The following PDGFC variants were observed in gnomAD, a reference collection of about 807,000 sequenced individuals.
PDGFC encodes the protein platelet derived growth factor C.
A neutral mutation model predicts 35.5 loss-of-function variants in PDGFC; 12 were observed. That is an observed-to-expected ratio of 0.34 (90% CI 0.22 to 0.55). The LOEUF (loss-of-function observed/expected upper bound fraction) is 0.55. Ranked by LOEUF, PDGFC falls within the 20% of genes least tolerant of loss-of-function variation. The probability of loss-of-function intolerance (pLI) is 0.91; values close to 1 mark genes in which losing one functional copy is unlikely to be tolerated. For missense variants in PDGFC, 322 were observed against 412.4 expected (o/e 0.78, Z 1.90); for synonymous variants, 159 against 148.8 (o/e 1.07, Z -0.50).
intron 3 of PDGFC, among the ~76,000 whole-genome samples, chr4:156,781,464 A>C (rs1486889412): frequency 6.6e-6 from 1 of 152,194 alleles, no homozygotes; most frequent in Non-Finnish European, 1.5e-5. Context: ...TTTAAATTTC[A>C]AACTTAAAAA....
chr4:156,899,907 T>G (rs186911182), intron 1 of PDGFC, among the ~76,000 whole-genome samples: 13 of 152,340 alleles, frequency 8.5e-5, no homozygotes, highest in African/African-American at 3.1e-4. Context: ...CTTATTTTAG[T>G]AGACCTTTCT....
At chr4:156,791,572 A>G (rs1040326473) in intron 3 of PDGFC, among the ~76,000 whole-genome samples, 1 of 152,166 alleles carries the variant, frequency 6.6e-6, no homozygotes, top group Admixed American at 6.5e-5. Context: ...ATTATTTAAG[A>G]TAAAGCTTGA....
At chr4:156,970,375 C>T (rs1732561957) in intron 1 of PDGFC, among the ~76,000 whole-genome samples, 1 of 152,144 alleles carries the variant, frequency 6.6e-6, no homozygotes, top group Non-Finnish European at 1.5e-5. Flanking sequence ...ATTAATGCGG[C>T]TGATATATTT....
chr4:156,955,702 C>A lies in PDGFC; in HGVS notation c.118+15084G>T, dbSNP rs762441297. Among the ~76,000 whole-genome samples, 3 of 151,856 alleles carry A rather than the reference C, an allele frequency of 2.0e-5. No homozygotes were observed. The East Asian group carries it at 5.8e-4, about 30-fold the overall frequency. On this transcript the variant is annotated intron_variant, in intron 1 of 5. Transcript: ENST00000502773. Reference sequence around the variant, plus strand: ...ACACACCCTTATTATTAGGAATTGGCGCAGAAGGCTATAATCATTACCCAT... The same window carrying A: ...ACACACCCTTATTATTAGGAATTGGAGCAGAAGGCTATAATCATTACCCAT...
intron 1 of PDGFC, among the ~76,000 whole-genome samples, chr4:156,893,337 ATTT>A (rs11365318): frequency 2.0e-5 from 3 of 147,582 alleles, no homozygotes; most frequent in African/African-American, 2.5e-5. Context: ...CTCTAACTAG[ATTT>A]TTTTTTTTTT....
At chr4:156,789,435 C>T (rs906731850) in intron 3 of PDGFC, among the ~76,000 whole-genome samples, 6 of 152,190 alleles carry the variant, frequency 3.9e-5, no homozygotes, top group South Asian at 4.2e-4. Flanking sequence ...GCTGTGTGTA[C>T]GGGGGCATTC....
chr4:156,855,689 T>G (rs1729558268), intron 1 of PDGFC, among the ~76,000 whole-genome samples: 1 of 152,206 alleles, frequency 6.6e-6, no homozygotes, highest in African/African-American at 2.4e-5. Flanking sequence ...TAATTTGTGC[T>G]TTGCTATGCT....
At chr4:156,861,383 A>T in intron 1 of PDGFC, 1 of 692,154 alleles carries the variant, frequency 1.4e-6, no homozygotes, top group Non-Finnish European at 2.2e-6. Context: ...TTCTGATAAG[A>T]AAAGCTTAAA....
At chr4:156,813,789 C>G (rs188584433) in intron 2 of PDGFC, among the ~76,000 whole-genome samples, 1 of 151,968 alleles carries the variant, frequency 6.6e-6, no homozygotes, top group African/African-American at 2.4e-5. Context: ...AATTTGTCAA[C>G]GTTTTAAAAA....
intron 1 of PDGFC, among the ~76,000 whole-genome samples, chr4:156,864,373 A>G (rs1354832375): frequency 6.6e-6 from 1 of 152,196 alleles, no homozygotes; most frequent in African/African-American, 2.4e-5. Context: ...ACCATGATAT[A>G]TGAGATCCCT....
At chr4:156,922,395 G>A (rs370537607) in intron 1 of PDGFC, among the ~76,000 whole-genome samples, 42 of 152,174 alleles carry the variant, frequency 2.8e-4, no homozygotes, top group Middle Eastern at 3.4e-3. Context: ...ATATAATCCT[G>A]GACAAAATGT....
At chr4:156,932,986 T>G (rs1047496696) in intron 1 of PDGFC, among the ~76,000 whole-genome samples, 2 of 151,964 alleles carry the variant, frequency 1.3e-5, no homozygotes, top group Admixed American at 1.3e-4. Context: ...AAGTTAATCA[T>G]CATCACATGG....
At chr4:156,887,039 T>C (rs1467247220) in intron 1 of PDGFC, among the ~76,000 whole-genome samples, 2 of 152,152 alleles carry the variant, frequency 1.3e-5, no homozygotes, top group East Asian at 3.8e-4. Flanking sequence ...TATTCACACA[T>C]AATACACATC....
rs377133242 is a variant in PDGFC at position 156,967,026 on chromosome 4, CT to C, written c.118+3759del. 3.7e-3 allele frequency among the ~76,000 whole-genome samples: 508 copies of C among 136,878 alleles called. 1 individual carries two copies. Among genetic ancestry groups the C allele is most frequent in the Admixed American group, 6.7e-3 (91 of 13,592 alleles). The allele number at this position is 136,878 out of a possible 152,430, so 89.8% of individuals were successfully genotyped here. A position where few individuals can be genotyped will look rare whatever the true frequency, so the allele number is the denominator to read the frequency against. ...GCAGAGAACCAGGAGGAAGTTTTTT[CT>C]TTTTTTTTTTTTTTGTAAAAAAGCC... is the stretch of plus-strand genomic sequence containing the variant. On this transcript the variant is annotated intron_variant, in intron 1 of 5. Coordinates refer to ENST00000502773, the MANE Select transcript of PDGFC (RefSeq NM_016205.3).
chr4:156,858,783 A>G (rs1429645356), intron 1 of PDGFC, among the ~76,000 whole-genome samples: 2 of 152,122 alleles, frequency 1.3e-5, no homozygotes, highest in Non-Finnish European at 2.9e-5. Flanking sequence ...ACAAATTCAC[A>G]TTATATATCC....
At chr4:156,824,325 T>TAC (rs60087416) in intron 2 of PDGFC, among the ~76,000 whole-genome samples, 52 of 109,580 alleles carry the variant, frequency 4.7e-4, no homozygotes, top group Non-Finnish European at 7.3e-4. Context: ...TATATATATA[T>TAC]ATACACACAC....
At chr4:156,970,720 C>T (rs1030554496) in intron 1 of PDGFC, 66 bp downstream of exon 1, 4 of 988,296 alleles carry the variant, frequency 4.0e-6, no homozygotes, top group African/African-American at 1.6e-5. Context: ...CACATACCAA[C>T]GCACAATGCC....
rs933855711 is a variant in PDGFC, at chr4:156,762,351, T to A, written c.*739A>T. The A allele has an allele frequency of 6.6e-6, 1 of 152,580 alleles. No homozygotes were observed. Among genetic ancestry groups the A allele is most frequent in the African/African-American group, 2.4e-5 (1 of 41,426 alleles). The allele number at this position is 152,580 out of a possible 1,614,324, so 9.5% of individuals were successfully genotyped here. A position where few individuals can be genotyped will look rare whatever the true frequency, so the allele number is the denominator to read the frequency against. On this transcript the variant is annotated 3_prime_UTR_variant, in exon 6 of 6. Coordinates refer to ENST00000502773, the MANE Select transcript of PDGFC (RefSeq NM_016205.3). Reference sequence around the variant, plus strand: ...AGATTAGAAAAGCCAACAGTTATAATGTCAAAAGGAGAATATAAAAATGTA... The same window carrying A: ...AGATTAGAAAAGCCAACAGTTATAAAGTCAAAAGGAGAATATAAAAATGTA...
intron 1 of PDGFC, among the ~76,000 whole-genome samples, chr4:156,959,315 C>A (rs1732284212): frequency 6.6e-6 from 1 of 151,846 alleles, no homozygotes; most frequent in African/African-American, 2.4e-5. Context: ...AACATGGTCA[C>A]CATCCTATAA....
Sources: allele counts gnomAD v4.1 joint callset (sites outside exome capture counted in the v4.1 genomes callset), GRCh38; gene constraint gnomAD v4.1.1; transcripts MANE v1.5; gene names NCBI Gene and HGNC (gene_info 2026-07-23, HGNC 2026-07-21).